The following GLRA2 variants were observed in gnomAD, a reference collection of about 807,000 sequenced individuals.
The protein encoded by GLRA2 is glycine receptor subunit alpha-2.
In GLRA2, 11 loss-of-function variants were observed where a neutral mutation model predicts 31.6. That is an observed-to-expected ratio of 0.35 (90% confidence interval 0.22 to 0.58). The LOEUF (loss-of-function observed/expected upper bound fraction) is 0.58, where lower values mean the gene tolerates loss of function less well. Ranked by LOEUF, GLRA2 falls within the 20% of genes least tolerant of loss-of-function variation. The probability of loss-of-function intolerance (pLI) is 0.84; values close to 1 mark genes in which losing one functional copy is unlikely to be tolerated. For synonymous variants in GLRA2, 132 were observed against 134.0 expected (o/e 0.99, Z 0.10); for missense variants, 212 against 351.8 (o/e 0.60, Z 3.18).
At chrX:14,663,858 G>A (rs1386202893) in intron 7 of GLRA2, among the ~76,000 whole-genome samples, 1 of 110,926 alleles carries the variant, frequency 9.0e-6, no homozygotes, top group South Asian at 3.8e-4. Context: ...ATTTCATCCT[G>A]ATTTTCCAAT....
chrX:14,610,235 CATAA>C (rs1407251588), intron 7 of GLRA2, among the ~76,000 whole-genome samples: 2 of 111,962 alleles, frequency 1.8e-5, no homozygotes, highest in Non-Finnish European at 3.8e-5. Flanking sequence ...CTGAATTTGA[CATAA>C]TGAGAAATGT....
chrX:14,520,228 G>A, the GLRA2 span, among the ~76,000 whole-genome samples: 16 of 111,941 alleles, frequency 1.4e-4, no homozygotes, highest in South Asian at 5.2e-3. Context: ...TCATGATAAC[G>A]AAGGTGATGT....
intron 7 of GLRA2, among the ~76,000 whole-genome samples, chrX:14,612,657 A>G (rs1474978835): frequency 9.0e-6 from 1 of 111,340 alleles, no homozygotes; most frequent in African/African-American, 3.3e-5. Context: ...AAAAAGGATG[A>G]GTTCATATCC....
intron 7 of GLRA2, among the ~76,000 whole-genome samples, chrX:14,658,014 C>T (rs1219980172): frequency 8.9e-6 from 1 of 111,933 alleles, no homozygotes; most frequent in African/African-American, 3.2e-5. Context: ...AACTGAGTCA[C>T]ATAGACATTA....
chrX:14,627,110 G>C (rs1035491407), intron 7 of GLRA2, among the ~76,000 whole-genome samples: 2 of 110,762 alleles, frequency 1.8e-5, no homozygotes, highest in African/African-American at 6.6e-5. Context: ...CTTGTGATCT[G>C]GGTACTTCTC....
At chrX:14,682,985 A>G (rs891238028) in intron 7 of GLRA2, among the ~76,000 whole-genome samples, 9 of 111,442 alleles carry the variant, frequency 8.1e-5, no homozygotes, top group Non-Finnish European at 1.3e-4. Flanking sequence ...AGTCTTTGCT[A>G]TTGTGAATAG....
chrX:14,618,601 A>C (rs1220710383), intron 7 of GLRA2, among the ~76,000 whole-genome samples: 1 of 112,197 alleles, frequency 8.9e-6, no homozygotes, highest in Non-Finnish European at 1.9e-5. Context: ...CCCATTTATT[A>C]GCTTGTAATT....
chrX:14,452,531 T>C, the GLRA2 span, among the ~76,000 whole-genome samples: 3 of 112,431 alleles, frequency 2.7e-5, no homozygotes, highest in Admixed American at 9.4e-5. Flanking sequence ...AATCAAAGCA[T>C]GGACAGAATG....
At chrX:14,602,195 T>G (rs1412457964) in intron 4 of GLRA2, among the ~76,000 whole-genome samples, 2 of 110,897 alleles carry the variant, frequency 1.8e-5, no homozygotes, top group Admixed American at 9.6e-5. Flanking sequence ...CCTTAAGGAT[T>G]AAAAAGGGAA....
chrX:14,569,125 G>A (rs2089849578), intron 2 of GLRA2, among the ~76,000 whole-genome samples: 1 of 110,193 alleles, frequency 9.1e-6, no homozygotes, highest in African/African-American at 3.3e-5. Context: ...CATGATGGTG[G>A]GTGCCTGTAA....
chrX:14,677,089 C>T (rs1345585849), intron 7 of GLRA2, among the ~76,000 whole-genome samples: 1 of 111,710 alleles, frequency 9.0e-6, no homozygotes, highest in Non-Finnish European at 1.9e-5. Context: ...GTTATAAAGT[C>T]ATCTAAATAA....
intron 7 of GLRA2, among the ~76,000 whole-genome samples, chrX:14,645,632 T>C (rs749911772): frequency 8.9e-6 from 1 of 111,832 alleles, no homozygotes; most frequent in East Asian, 2.8e-4. Context: ...TCTCACCTCT[T>C]TGCAATTAAC....
intron 3 of GLRA2, among the ~76,000 whole-genome samples, chrX:14,576,535 T>C (rs2089960739): frequency 8.9e-6 from 1 of 112,059 alleles, no homozygotes; most frequent in African/African-American, 3.2e-5. Context: ...GACCTAATGC[T>C]GATTGCATTA....
chrX:14,465,189 C>G, the GLRA2 span, among the ~76,000 whole-genome samples: 102 of 111,413 alleles, frequency 9.2e-4, no homozygotes, highest in African/African-American at 3.2e-3. Flanking sequence ...TGTAGTTTTC[C>G]TTATAGAGGT....
the GLRA2 span, among the ~76,000 whole-genome samples, chrX:14,481,938 G>T: frequency 2.7e-5 from 3 of 110,761 alleles, no homozygotes; most frequent in African/African-American, 9.8e-5. Flanking sequence ...TGAAAGAAAA[G>T]AAAACAATGT....
chrX:14,540,616 C>T (rs777010206), intron 2 of GLRA2, among the ~76,000 whole-genome samples: 10 of 110,684 alleles, frequency 9.0e-5, no homozygotes, highest in Admixed American at 5.8e-4. Context: ...GCAAACTCAC[C>T]CCTTACCATT....
chrX:14,465,414 T>A, the GLRA2 span, among the ~76,000 whole-genome samples: 1 of 112,311 alleles, frequency 8.9e-6, no homozygotes, highest in Non-Finnish European at 1.9e-5. Flanking sequence ...CAATTCGACT[T>A]CTTCTTTCCC....
rs140085895 is a variant in GLRA2, at chrX:14,722,748, A to G, written c.1081-7459A>G. Among the ~76,000 whole-genome samples the G allele has an allele frequency of 7.6e-3, 848 of 111,275 alleles. 11 individuals carry two copies. Among genetic ancestry groups the G allele is most frequent in the African/African-American group, 0.026 (808 of 30,609 alleles). ...CAACATGCCACTATGCTATCCACAG[A>G]CCAGTTTGAGAGGGCCCTGCAGAAT... On this transcript the variant is annotated intron_variant, in intron 8 of 8. Transcript: ENST00000218075.
chrX:14,630,028 A>T (rs995623286), intron 7 of GLRA2, among the ~76,000 whole-genome samples: 1 of 111,887 alleles, frequency 8.9e-6, no homozygotes, highest in African/African-American at 3.2e-5. Flanking sequence ...GGTAGTTACC[A>T]TTTCCAATGT....
Sources: allele counts gnomAD v4.1 joint callset (sites outside exome capture counted in the v4.1 genomes callset), GRCh38; gene constraint gnomAD v4.1.1; transcripts MANE v1.5; gene names NCBI Gene and HGNC (gene_info 2026-07-23, HGNC 2026-07-21).